KIF12: variants seen among roughly 807,000 people sequenced by gnomAD.
KIF12 encodes kinesin-like protein KIF12.
A neutral mutation model predicts 87.9 loss-of-function variants in KIF12; 80 were observed. The ratio of observed to expected loss-of-function variants is 0.91; its 90% CI spans 0.76 to 1.10. The LOEUF (loss-of-function observed/expected upper bound fraction) is 1.10. Among genes scored for constraint, KIF12 ranks in the 50% least tolerant of loss-of-function variants. The pLI is 0.00. For synonymous variants in KIF12, 353 were observed against 348.5 expected (o/e 1.01, Z -0.14); for missense variants, 819 against 865.3 (o/e 0.95, Z 0.67).
In KIF12 at chr9:114,096,221, G is replaced by A. The variant is rs758491443; in HGVS notation, c.739-14C>T. On this transcript the variant is annotated splice_polypyrimidine_tract_variant and intron_variant, in intron 8 of 18. Transcript: ENST00000640217. ...CATCTGCTGGGCCTGAGGGATCAGA[G>A]CTTCATGGGGACTTGGGAGGGACCG... is the stretch of plus-strand genomic sequence containing the variant. 5 of 1,613,422 alleles carry A rather than the reference G, an allele frequency of 3.1e-6. No individual in the cohort carries two copies. The highest frequency in any genetic ancestry group is 4.2e-6 in the Non-Finnish European group (5 of 1,179,734).
chr9:114,092,378 G>GT lies in KIF12; in HGVS notation c.1770dup (p.Pro591ThrfsTer49), dbSNP rs1564378416. 3 of 1,611,358 alleles carry GT rather than the reference G, an allele frequency of 1.9e-6. No homozygotes were observed. Among genetic ancestry groups the GT allele is most frequent in the Non-Finnish European group, 2.5e-6 (3 of 1,178,990 alleles). On this transcript the variant is annotated frameshift_variant, in exon 18 of 19. Transcript: ENST00000640217. LOFTEE classifies it low-confidence loss of function (END_TRUNC). The stretch of plus-strand genomic sequence containing the variant: ...TTCGGGGGCCTCACAGGCAGGGGAG[G>GT]TGCAGAAGGTACCACCTCCTCCTCC...
chr9:114,094,313 A>G, intron 12 of KIF12, 40 bp downstream of exon 12: 1 of 1,610,092 alleles, frequency 6.2e-7, no homozygotes, highest in Middle Eastern at 1.7e-4. Flanking sequence ...GGAGCCCCAG[A>G]CCCTATCCCC....
Position 114,093,298 on chromosome 9 carries a change from G to A in KIF12, c.1527C>T (p.His509=). ...GGGGCACTCGACACAGTGGGCAGAT[G>A]TGGCAGCAGGGGCAGGAGTAGAGGG... ...LPPLYSCPCC[H]ICPLCRVPLA... Residue 509 remains histidine, a synonymous_variant, in exon 16 of 19, where the codon CAC becomes CAT. Transcript: ENST00000640217. The A allele has an allele frequency of 1.3e-6, 2 of 1,561,516 alleles. No homozygotes were observed.
Position 114,092,434 on chromosome 9 carries a change from G to C in KIF12, c.1715C>G (p.Thr572Ser), listed in dbSNP as rs147277754. The C allele has an allele frequency of 2.5e-3, 3,963 of 1,613,720 alleles. 16 individuals are homozygous for C. Among genetic ancestry groups the C allele is most frequent in the Non-Finnish European group, 3.3e-3 (3,840 of 1,179,870 alleles). ...CPRERSHSDW[T>S]QTRVLAEMLT... ...CATCTCTGCCAGGACTCGGGTCTGA[G>C]TCCAGTCACTGTGACTCCTGGGCCA... Residue 572 changes from threonine to serine, a missense_variant, in exon 18 of 19, where the codon ACT (threonine) becomes AGT (serine). Physicochemically the swap from Thr to Ser is moderately conservative, Grantham distance 58. Transcript: ENST00000640217.
Position 114,091,760 on chromosome 9 carries a change from A to C in KIF12, c.*101T>G. 16 of 1,197,332 alleles carry C rather than the reference A, an allele frequency of 1.3e-5. No homozygotes were observed. The highest frequency in any genetic ancestry group is 1.6e-5 in the Non-Finnish European group (14 of 874,518). The allele number at this position is 1,197,332 out of a possible 1,614,324, so 74.2% of individuals were successfully genotyped here. On this transcript the variant is annotated 3_prime_UTR_variant, in exon 19 of 19. Transcript: ENST00000640217. ...CCCCTAGCCCAGCTGCAGGTGGAGT[A>C]GCAGCTGCTGTCTCCATTCAGCAGA...
In KIF12 at chr9:114,094,701, ACCTTGGG is replaced by A. The variant is rs1161995801; in HGVS notation, c.1120-253_1120-247del. 2.6e-5 allele frequency among the ~76,000 whole-genome samples: 4 copies of A among 152,162 alleles called. No homozygotes were observed. The East Asian group carries it at 7.7e-4, about 29-fold the overall frequency. On this transcript the variant is annotated intron_variant, in intron 11 of 18. Transcript: ENST00000640217. Reference sequence around the variant, plus strand: ...CAATCCCAAACTCAGTTCTGTCCAAACCTTGGGCCAGATAATGGTTCCAAACGAGACC... The same window carrying A: ...CAATCCCAAACTCAGTTCTGTCCAAACCAGATAATGGTTCCAAACGAGACC...
chr9:114,093,990 C>A lies in KIF12; in HGVS notation c.1314-18G>T. On this transcript the variant is annotated intron_variant, in intron 13 of 18. Transcript: ENST00000640217. ...TTTCTTTCCTAGGGGAGATCACAAG[C>A]CAGGAAGGGGTAGGAAATGGGGCTG... 3 of 1,611,314 alleles carry A rather than the reference C, an allele frequency of 1.9e-6. No individual in the cohort carries two copies. Among genetic ancestry groups the A allele is most frequent in the Non-Finnish European group, 2.5e-6 (3 of 1,177,842 alleles).
In KIF12 at chr9:114,092,358, GGGCCTCACA is replaced by G. The variant is rs1564378351; in HGVS notation, c.1782_1790del (p.Val595_Pro597del). On this transcript the variant is annotated inframe_deletion, in exon 18 of 19. Coordinates refer to ENST00000640217, the MANE Select transcript of KIF12 (RefSeq NM_001388308.1). ...CTCTGAGCCCTGGTGATGTCTTCGG[GGGCCTCACA>G]GGCAGGGGAGGTGCAGAAGGTACCA... 2.5e-6 allele frequency: 4 copies of G among 1,602,614 alleles called. No homozygotes were observed. The highest frequency in any genetic ancestry group is 1.8e-5 in the Admixed American group (1 of 57,032).
In KIF12 at chr9:114,091,743, C is replaced by T; in HGVS notation, c.*118G>A. On this transcript the variant is annotated 3_prime_UTR_variant, in exon 19 of 19. Transcript: ENST00000640217. Reference sequence around the variant, plus strand: ...AGCACCCCCAGTCCCCGCCCCTAGCCCAGCTGCAGGTGGAGTAGCAGCTGC... The same window carrying T: ...AGCACCCCCAGTCCCCGCCCCTAGCTCAGCTGCAGGTGGAGTAGCAGCTGC... 8.9e-7 allele frequency: 1 copy of T among 1,124,444 alleles called. No individual in the cohort carries two copies. Among genetic ancestry groups the T allele is most frequent in the Non-Finnish European group, 1.2e-6 (1 of 811,308 alleles). The allele number at this position is 1,124,444 out of a possible 1,614,324, so 69.7% of individuals were successfully genotyped here.
At chr9:114,093,372 C>T (rs2134880535) in intron 15 of KIF12, 35 bp downstream of exon 15, 11 of 1,554,988 alleles carry the variant, frequency 7.1e-6, no homozygotes, top group East Asian at 2.4e-5. Context: ...GACATCCCTA[C>T]TTGTCACCCC....
In KIF12 at chr9:114,091,851, C is replaced by T. The variant is rs201940729; in HGVS notation, c.*10G>A. 6.3e-7 allele frequency: 1 copy of T among 1,592,508 alleles called. No homozygotes were observed. Among genetic ancestry groups the T allele is most frequent in the Non-Finnish European group, 8.6e-7 (1 of 1,165,102 alleles). On this transcript the variant is annotated 3_prime_UTR_variant, in exon 19 of 19. Transcript: ENST00000640217. ...GTCACACAGCAGTCTCCTGGGTTCCCACTTGGCCTTCAATGGGGAGGGAGG... is the reference window on the plus strand; with the variant it reads ...GTCACACAGCAGTCTCCTGGGTTCCTACTTGGCCTTCAATGGGGAGGGAGG...
intron 14 of KIF12, 52 bp from the exon 15 acceptor site, chr9:114,093,549 C>G (rs1373218560): frequency 1.4e-6 from 2 of 1,447,186 alleles, no homozygotes; most frequent in East Asian, 2.5e-5. Flanking sequence ...TACCACCAAG[C>G]TGGCTTTCAA....
chr9:114,092,788 G>C, intron 16 of KIF12, 146 bp from the exon 17 acceptor site: 1 of 1,471,420 alleles, frequency 6.8e-7, no homozygotes, highest in Non-Finnish European at 8.9e-7. Flanking sequence ...TGGGGTCTTG[G>C]TCGCCTTCTG....
At chr9:114,093,712 C>T (rs35628972) in intron 14 of KIF12, among the ~76,000 whole-genome samples, 174 bp downstream of exon 14, 1 of 152,202 alleles carries the variant, frequency 6.6e-6, no homozygotes, top group Non-Finnish European at 1.5e-5. Flanking sequence ...GAAACCCAGG[C>T]AGTGAGAAGT....
In KIF12 at chr9:114,093,437, G is replaced by A. The variant is rs1350696284; in HGVS notation, c.1461C>T (p.Pro487=). The change falls in exon 15 of 19, where the codon CCC becomes CCT. Residue 487 remains proline (P), a synonymous_variant. Transcript: ENST00000640217. ...AAGGGGGAGCTGGGGCCATCAAGCA[G>A]GGACACGGTGGGGTCAGGCCAGGAC... The part of the protein sequence containing the change: ...QQGPGLTPPC[P]CLMAPAPPCH... 1 of 1,569,904 alleles carries A rather than the reference G, an allele frequency of 6.4e-7. No homozygotes were observed. The highest frequency in any genetic ancestry group is 8.6e-7 in the Non-Finnish European group (1 of 1,157,084).
At chr9:114,094,945 G>C in intron 11 of KIF12, 78 bp downstream of exon 11, 1 of 1,269,460 alleles carries the variant, frequency 7.9e-7, no homozygotes, top group South Asian at 1.5e-5. Context: ...CTTCAATCAA[G>C]GGACTCAGGC....
Position 114,098,011 on chromosome 9 carries a change from T to G in KIF12, c.375+104A>C, listed in dbSNP as rs546960874. 17 of 1,184,690 alleles carry G rather than the reference T, an allele frequency of 1.4e-5. No homozygotes were observed. In the African/African-American group the frequency reaches 1.7e-4, roughly 12 times the overall value. The allele number at this position is 1,184,690 out of a possible 1,614,324, so 73.4% of individuals were successfully genotyped here. A position where few individuals can be genotyped will look rare whatever the true frequency, so the allele number is the denominator to read the frequency against. On this transcript the variant is annotated intron_variant, in intron 5 of 18. Coordinates refer to ENST00000640217, the MANE Select transcript of KIF12 (RefSeq NM_001388308.1). ...CTGCAAACAAGCGGGTCAGGCGGCG[T>G]CGTCCCAGCCCCTTCCCTCTGGGAG... is the stretch of plus-strand genomic sequence containing the variant.
intron 5 of KIF12, 61 bp downstream of exon 5, chr9:114,098,054 T>A: frequency 6.8e-7 from 1 of 1,466,036 alleles, no homozygotes; most frequent in Non-Finnish European, 9.1e-7. Flanking sequence ...CGCCTGCGGC[T>A]CCCCAGGGCT....
In KIF12 at chr9:114,098,353, T is replaced by C; in HGVS notation, c.248A>G (p.Asp83Gly). The change falls in exon 4 of 19, where the codon GAC becomes GGC. Residue 83 changes from aspartate to glycine, a missense_variant. Coordinates refer to ENST00000640217, the MANE Select transcript of KIF12 (RefSeq NM_001388308.1). ...AVLDAARTQEDVFRACGVRRL... is the reference protein window; with the variant it reads ...AVLDAARTQEGVFRACGVRRL... ...CCGCACGCCGCACGCCCGGAACACG[T>C]CCTCCTGCGTGCGCGCCGCGTCTAG... 1 of 1,497,184 alleles carries C rather than the reference T, an allele frequency of 6.7e-7. No homozygotes were observed. Among genetic ancestry groups the C allele is most frequent in the East Asian group, 2.8e-5 (1 of 35,892 alleles). The allele number at this position is 1,497,184 out of a possible 1,614,324, so 92.7% of individuals were successfully genotyped here.
Sources: gnomAD v4.1 joint callset for allele counts (sites outside exome capture counted in the v4.1 genomes callset) on GRCh38, gnomAD v4.1.1 for gene constraint, MANE v1.5 for transcripts, NCBI Gene and HGNC (gene_info 2026-07-23, HGNC 2026-07-21) for gene names.